NANOGNB: variants seen among roughly 807,000 people sequenced by gnomAD.
The protein encoded by NANOGNB is NANOG neighbor homeobox.
In NANOGNB, 30 loss-of-function variants were observed where a neutral mutation model predicts 25.0. The ratio of observed to expected loss-of-function variants is 1.20; its 90% CI spans 0.90 to 1.63. The LOEUF is 1.63. NANOGNB is among the 40% of genes most tolerant of loss of function. The pLI is 0.00. For synonymous variants in NANOGNB, 84 were observed against 62.1 expected (o/e 1.35, Z -1.66); for missense variants, 200 against 188.1 (o/e 1.06, Z -0.37).
At position 7,770,142 on chromosome 12, in the gene NANOGNB, G is replaced by T; in HGVS notation, c.262G>T (p.Glu88Ter). 1.3e-6 allele frequency: 2 copies of T among 1,547,218 alleles called. No individual in the cohort carries two copies. The highest frequency in any genetic ancestry group is 2.4e-5 in the South Asian group (2 of 83,820). ...EEKNEKELQD[E>*]QENKRKRENE... is the part of the protein sequence containing the mutation. Reference sequence around the variant, plus strand: ...AAAAAACGAAAAGGAGCTGCAAGATGAACAGGAAAACAAAAGGAAAAGGGA... The same window carrying T: ...AAAAAACGAAAAGGAGCTGCAAGATTAACAGGAAAACAAAAGGAAAAGGGA... Residue 88 changes from glutamate (E) to a stop codon, truncating the protein, a stop_gained, in exon 2 of 4, where the codon GAA becomes TAA. Transcript: ENST00000382119. LOFTEE classifies it high-confidence loss of function.
At chr12:7,771,739 G>T (rs1425709820) in intron 3 of NANOGNB, among the ~76,000 whole-genome samples, 3 of 152,076 alleles carry the variant, frequency 2.0e-5, no homozygotes, top group Admixed American at 2.0e-4. Context: ...TCCTGCCTCA[G>T]CCTCCCGAGT....
Position 7,773,798 on chromosome 12 carries a change from A to C in NANOGNB, c.516-2A>C. ...CTTTTTTTTTTTTTTTTTTTTAAACAGATGGAGATCTCTGTGTTGCCAAGG... is the reference window on the plus strand; with the variant it reads ...CTTTTTTTTTTTTTTTTTTTTAAACCGATGGAGATCTCTGTGTTGCCAAGG... On this transcript the variant is annotated splice_acceptor_variant, in intron 3 of 3. Coordinates refer to ENST00000382119, the MANE Select transcript of NANOGNB (RefSeq NM_001145465.1). LOFTEE classifies it high-confidence loss of function. The C allele has an allele frequency of 1.6e-6, 1 of 627,656 alleles. No individual in the cohort carries two copies. The highest frequency in any genetic ancestry group is 2.8e-6 in the Non-Finnish European group (1 of 358,128). The allele number at this position is 627,656 out of a possible 1,614,324, so 38.9% of individuals were successfully genotyped here. A position where few individuals can be genotyped will look rare whatever the true frequency, so the allele number is the denominator to read the frequency against.
At chr12:7,766,268 G>A (rs903427015) in intron 1 of NANOGNB, 2 of 397,062 alleles carry the variant, frequency 5.0e-6, no homozygotes, top group African/African-American at 4.1e-5. Flanking sequence ...CTCAGGAGTT[G>A]AAGACCATCC....
intron 1 of NANOGNB, among the ~76,000 whole-genome samples, chr12:7,768,543 A>T (rs1219151724): frequency 6.8e-6 from 1 of 147,424 alleles, no homozygotes; most frequent in Non-Finnish European, 1.5e-5. Context: ...TTTGAGAGGG[A>T]TTCTCGCTCT....
intron 1 of NANOGNB, among the ~76,000 whole-genome samples, chr12:7,766,823 T>C (rs1380764181): frequency 6.6e-6 from 1 of 151,896 alleles, no homozygotes; most frequent in Non-Finnish European, 1.5e-5. Context: ...CCTCCACGCC[T>C]GGCCTTTGTT....
At chr12:7,773,734 A>T (rs891279391) in intron 3 of NANOGNB, 66 bp from the exon 4 acceptor site, 59 of 551,810 alleles carry the variant, frequency 1.1e-4, no homozygotes, top group Non-Finnish European at 1.6e-4. Context: ...TCAAAAAAAA[A>T]TTTAAAATAA....
chr12:7,767,397 T>C (rs1347795045), intron 1 of NANOGNB, among the ~76,000 whole-genome samples: 3 of 146,202 alleles, frequency 2.1e-5, no homozygotes, highest in Admixed American at 6.9e-5. Context: ...TTTTTTTTTT[T>C]CTAACAAAAG....
chr12:7,767,497 G>A (rs972892621), intron 1 of NANOGNB, among the ~76,000 whole-genome samples: 22 of 151,440 alleles, frequency 1.5e-4, no homozygotes, highest in African/African-American at 4.4e-4. Flanking sequence ...TGACGATTTC[G>A]AGACCAACAA....
In NANOGNB at chr12:7,770,215, C is replaced by T. The variant is rs948031139; in HGVS notation, c.335C>T (p.Ser112Phe). Residue 112 changes from serine (S) to phenylalanine (F), a missense_variant, in exon 2 of 4, where the codon TCC becomes TTC. By Grantham distance (155) the Ser-to-Phe change is radical. Coordinates refer to ENST00000382119, the MANE Select transcript of NANOGNB (RefSeq NM_001145465.1). ...QYPEKRLVSK[S>F]LMHTLWAKFK... ...CCCGAGAAAAGATTAGTCAGCAAAT[C>T]CCTCATGCATACTCTCTGGGCAAAG... 1.3e-6 allele frequency: 2 copies of T among 1,552,008 alleles called. No individual in the cohort carries two copies. Among genetic ancestry groups the T allele is most frequent in the Non-Finnish European group, 1.7e-6 (2 of 1,147,042 alleles).
At chr12:7,767,372 T>G (rs1592109583) in intron 1 of NANOGNB, among the ~76,000 whole-genome samples, 1 of 147,214 alleles carries the variant, frequency 6.8e-6, no homozygotes, top group East Asian at 2.0e-4. Flanking sequence ...GGATGTGGGT[T>G]ACAAGAGGGT....
At position 7,770,027 on chromosome 12, in the gene NANOGNB, T is replaced by G; in HGVS notation, c.147T>G (p.Thr49=). 1 of 1,530,024 alleles carries G rather than the reference T, an allele frequency of 6.5e-7. No individual in the cohort carries two copies. The highest frequency in any genetic ancestry group is 8.8e-7 in the Non-Finnish European group (1 of 1,142,164). 94.8% of individuals were successfully genotyped at this position (1,530,024 alleles called of 1,614,324 possible). The change falls in exon 2 of 4, where the codon ACT becomes ACG. Residue 49 remains threonine, a synonymous_variant. Transcript: ENST00000382119. ...MPWDQDPEQS[T]GNYSEDEQNG... ...GGGATCAAGATCCAGAACAATCAACTGGAAATTACAGTGAAGATGAACAAA... is the reference window on the plus strand; with the variant it reads ...GGGATCAAGATCCAGAACAATCAACGGGAAATTACAGTGAAGATGAACAAA...
intron 1 of NANOGNB, among the ~76,000 whole-genome samples, chr12:7,768,406 A>G (rs891391892): frequency 5.9e-5 from 9 of 152,070 alleles, no homozygotes; most frequent in Non-Finnish European, 1.3e-4. Flanking sequence ...TAGGGGTGAT[A>G]TCTGTCTGGT....
chr12:7,768,410 G>C (rs1007583898), intron 1 of NANOGNB, among the ~76,000 whole-genome samples: 2 of 152,042 alleles, frequency 1.3e-5, no homozygotes, highest in Non-Finnish European at 1.5e-5. Flanking sequence ...GGTGATATCT[G>C]TCTGGTTTGA....
Position 7,765,548 on chromosome 12 carries a change from C to A in NANOGNB, c.102+161C>A, listed in dbSNP as rs769078552. On this transcript the variant is annotated intron_variant, in intron 1 of 3. Coordinates refer to ENST00000382119, the MANE Select transcript of NANOGNB (RefSeq NM_001145465.1). ...TCGCGCCACTGCACTCCAGCCTGGG[C>A]GACAGAGTGAGACTCCGTCTCAAAA... is the stretch of plus-strand genomic sequence containing the variant. Among the ~76,000 whole-genome samples, 11 of 111,000 alleles carry A rather than the reference C, an allele frequency of 9.9e-5. No individual in the cohort carries two copies. In the Admixed American group the frequency reaches 1.1e-3, roughly 11 times the overall value. 72.8% of individuals were successfully genotyped at this position (111,000 alleles called of 152,430 possible).
intron 1 of NANOGNB, among the ~76,000 whole-genome samples, chr12:7,766,683 T>A (rs949304827): frequency 1.3e-5 from 2 of 151,602 alleles, no homozygotes; most frequent in Admixed American, 6.6e-5. Context: ...TCAAAAGACA[T>A]GTCCGATTAG....
rs751385873 is a variant in NANOGNB, at chr12:7,772,360, C to G, written c.516-1440C>G. ...TGGCACAATCTCGGCTCACTGCAAG[C>G]TCTGTCTCCCAGGTTCATGCCATTC... On this transcript the variant is annotated intron_variant, in intron 3 of 3. Coordinates refer to ENST00000382119, the MANE Select transcript of NANOGNB (RefSeq NM_001145465.1). Among the ~76,000 whole-genome samples, 3 of 152,170 alleles carry G rather than the reference C, an allele frequency of 2.0e-5. No individual in the cohort carries two copies. In the South Asian group the frequency reaches 6.2e-4, roughly 32 times the overall value.
At chr12:7,771,361 C>T (rs1477090821) in intron 3 of NANOGNB, among the ~76,000 whole-genome samples, 1 of 151,996 alleles carries the variant, frequency 6.6e-6, no homozygotes, top group African/African-American at 2.4e-5. Context: ...GCTGGGACTA[C>T]AGGCACCCAC....
chr12:7,770,157 A>G lies in NANOGNB; in HGVS notation c.277A>G (p.Arg93Gly). 2 of 1,550,496 alleles carry G rather than the reference A, an allele frequency of 1.3e-6. No individual in the cohort carries two copies. The highest frequency in any genetic ancestry group is 1.7e-6 in the Non-Finnish European group (2 of 1,145,886). Residue 93 changes from arginine (R) to glycine (G), a missense_variant, in exon 2 of 4, where the codon AGG becomes GGG. Transcript: ENST00000382119. The part of the protein sequence containing the change: ...KELQDEQENK[R>G]KRENEKQKQY... ...GCTGCAAGATGAACAGGAAAACAAA[A>G]GGAAAAGGGAAAATGAGAAACAGAA...
At chr12:7,770,414 C>G in intron 2 of NANOGNB, 25 bp from the exon 3 acceptor site, 1 of 1,529,436 alleles carries the variant, frequency 6.5e-7, no homozygotes, top group Non-Finnish European at 8.8e-7. Context: ...GTATTAATCA[C>G]CTCCCACACC....
Sources: allele counts gnomAD v4.1 joint callset (sites outside exome capture counted in the v4.1 genomes callset), GRCh38; gene constraint gnomAD v4.1.1; transcripts MANE v1.5; gene names NCBI Gene and HGNC (gene_info 2026-07-23, HGNC 2026-07-21).